The following PPFIA2 variants were observed in gnomAD, a reference collection of about 807,000 sequenced individuals.
PPFIA2 encodes PPFI scaffold protein A2.
In PPFIA2, 46 loss-of-function variants were observed where a neutral mutation model predicts 175.5. That is an observed-to-expected ratio of 0.26 (90% CI 0.21 to 0.34). PPFIA2 has a LOEUF of 0.34. Ranked by LOEUF, PPFIA2 falls within the 10% of genes least tolerant of loss-of-function variation. PPFIA2 has a pLI of 1.00. For missense variants in PPFIA2, 1,179 were observed against 1,506.1 expected (o/e 0.78, Z 3.60); for synonymous variants, 568 against 511.4 (o/e 1.11, Z -1.49).
At chr12:81,757,763 T>C (rs900472493) in intron 2 of PPFIA2, among the ~76,000 whole-genome samples, 4 of 152,158 alleles carry the variant, frequency 2.6e-5, no homozygotes, top group African/African-American at 7.2e-5. Context: ...GATATGAGAG[T>C]GCTACAAAAA....
At chr12:81,593,908 G>A (rs1452141307) in intron 4 of PPFIA2, among the ~76,000 whole-genome samples, 1 of 152,156 alleles carries the variant, frequency 6.6e-6, no homozygotes, top group Admixed American at 6.6e-5. Flanking sequence ...TGGCCTGTTA[G>A]GAACTAGGCT....
intron 24 of PPFIA2, among the ~76,000 whole-genome samples, chr12:81,294,161 T>C (rs934084046): frequency 6.6e-6 from 1 of 152,030 alleles, no homozygotes; most frequent in Non-Finnish European, 1.5e-5. Flanking sequence ...TTGGTAGGGA[T>C]GAGGTTTGAA....
intron 7 of PPFIA2, among the ~76,000 whole-genome samples, chr12:81,419,454 A>G (rs2045884541): frequency 6.6e-6 from 1 of 152,128 alleles, no homozygotes; most frequent in Non-Finnish European, 1.5e-5. Flanking sequence ...TCTTACAATA[A>G]ACATAAAGTC....
chr12:81,719,640 C>T (rs1025872057), intron 3 of PPFIA2, among the ~76,000 whole-genome samples: 1 of 151,460 alleles, frequency 6.6e-6, no homozygotes, highest in African/African-American at 2.4e-5. Context: ...CTTTATATAT[C>T]TTAGTTTAAT....
chr12:81,655,004 C>T (rs142604535), intron 4 of PPFIA2, among the ~76,000 whole-genome samples: 107 of 152,074 alleles, frequency 7.0e-4, no homozygotes, highest in African/African-American at 2.4e-3. Context: ...TGAAGTATCA[C>T]CTGAATTTTT....
At chr12:81,528,836 A>C (rs1479869650) in intron 4 of PPFIA2, among the ~76,000 whole-genome samples, 1 of 152,034 alleles carries the variant, frequency 6.6e-6, no homozygotes, top group Non-Finnish European at 1.5e-5. Context: ...CATGAAAAAC[A>C]ACAGAAAATT....
chr12:81,355,173 G>A (rs562792313), intron 16 of PPFIA2, among the ~76,000 whole-genome samples: 83 of 152,166 alleles, frequency 5.5e-4, no homozygotes, highest in Non-Finnish European at 1.1e-3. Flanking sequence ...TAGCAGGCAC[G>A]AAAAAAACAA....
At chr12:81,519,331 T>G (rs2062834344) in intron 4 of PPFIA2, among the ~76,000 whole-genome samples, 1 of 152,190 alleles carries the variant, frequency 6.6e-6, no homozygotes. Flanking sequence ...GACTTGAAAA[T>G]ACTTAAAGAC....
At chr12:81,331,545 T>A (rs1291845480) in intron 21 of PPFIA2, among the ~76,000 whole-genome samples, 1 of 152,190 alleles carries the variant, frequency 6.6e-6, no homozygotes, top group African/African-American at 2.4e-5. Context: ...TTCAGACAAT[T>A]ATAATACAAA....
chr12:81,751,534 TACACACACACACAC>T (rs10591884), intron 3 of PPFIA2, among the ~76,000 whole-genome samples: 3 of 144,290 alleles, frequency 2.1e-5, no homozygotes, highest in Non-Finnish European at 4.6e-5. Context: ...TATAATATGC[TACACACACACACAC>T]ACACACACAC....
At chr12:81,381,040 G>C (rs2037569965) in intron 9 of PPFIA2, among the ~76,000 whole-genome samples, 1 of 150,534 alleles carries the variant, frequency 6.6e-6, no homozygotes, top group Non-Finnish European at 1.5e-5. Flanking sequence ...CAGTAACGCA[G>C]GCTGAGTGTA....
At chr12:81,650,787 G>T (rs2066911427) in intron 4 of PPFIA2, among the ~76,000 whole-genome samples, 1 of 152,182 alleles carries the variant, frequency 6.6e-6, no homozygotes. Context: ...TACCTGCAGT[G>T]GAAGCTATGA....
intron 4 of PPFIA2, among the ~76,000 whole-genome samples, chr12:81,655,238 T>C (rs1288426016): frequency 2.6e-5 from 4 of 151,850 alleles, no homozygotes; most frequent in Non-Finnish European, 5.9e-5. Flanking sequence ...ATGTTAATTT[T>C]CCCCCAAAAA....
Position 81,259,381 on chromosome 12 carries a change from A to G in PPFIA2, c.*313T>C, listed in dbSNP as rs1028110439. ...ACATAAATGCCTAGTATATTACAATAAAACATGAAAAACAACTGGCTTCAT... is the reference window on the plus strand; with the variant it reads ...ACATAAATGCCTAGTATATTACAATGAAACATGAAAAACAACTGGCTTCAT... On this transcript the variant is annotated 3_prime_UTR_variant, in exon 33 of 33. Transcript: ENST00000549396. 3.2e-6 allele frequency: 2 copies of G among 620,570 alleles called. No individual in the cohort carries two copies. Among genetic ancestry groups the G allele is most frequent in the Non-Finnish European group, 5.9e-6 (2 of 339,052 alleles). 38.4% of individuals were successfully genotyped at this position (620,570 alleles called of 1,614,324 possible).
intron 23 of PPFIA2, among the ~76,000 whole-genome samples, chr12:81,298,768 T>C (rs1382401119): frequency 6.6e-6 from 1 of 152,206 alleles, no homozygotes; most frequent in Admixed American, 6.5e-5. Flanking sequence ...TCTTTTATTG[T>C]AGCATTCAGT....
chr12:81,601,256 A>G (rs763875981), intron 4 of PPFIA2, among the ~76,000 whole-genome samples: 10 of 151,958 alleles, frequency 6.6e-5, no homozygotes, highest in Non-Finnish European at 1.2e-4. Context: ...ATTTTTCCAG[A>G]ACATTTTTTC....
intron 3 of PPFIA2, among the ~76,000 whole-genome samples, chr12:81,719,400 T>C (rs2079046217): frequency 1.3e-5 from 2 of 151,634 alleles, no homozygotes; most frequent in South Asian, 4.1e-4. Flanking sequence ...TTCTCCTATA[T>C]GCAAGTTCTG....
intron 4 of PPFIA2, among the ~76,000 whole-genome samples, chr12:81,513,590 T>G (rs904479430): frequency 6.6e-5 from 10 of 152,032 alleles, no homozygotes; most frequent in African/African-American, 2.4e-4. Context: ...AGAGTTCACA[T>G]GTACCTTTCA....
At chr12:81,459,368 C>A (rs968163873) in intron 4 of PPFIA2, among the ~76,000 whole-genome samples, 6 of 151,956 alleles carry the variant, frequency 3.9e-5, no homozygotes, top group Admixed American at 2.0e-4. Context: ...TTCTTTATTG[C>A]ACATTATTAA....
Sources: gnomAD v4.1 joint callset for allele counts (sites outside exome capture counted in the v4.1 genomes callset) on GRCh38, gnomAD v4.1.1 for gene constraint, MANE v1.5 for transcripts, NCBI Gene and HGNC (gene_info 2026-07-23, HGNC 2026-07-21) for gene names.